GRHL2: variants seen among roughly 807,000 people sequenced by gnomAD.
The protein encoded by GRHL2 is grainyhead-like protein 2 homolog.
In GRHL2, 21 loss-of-function variants were observed where a neutral mutation model predicts 83.8. The ratio of observed to expected loss-of-function variants is 0.25; its 90% CI spans 0.18 to 0.36. GRHL2 has a LOEUF of 0.36. Among genes scored for constraint, GRHL2 ranks in the 10% least tolerant of loss-of-function variants. The pLI, the probability that GRHL2 is intolerant of heterozygous loss-of-function variation, is 1.00. For synonymous variants in GRHL2, 280 were observed against 278.9 expected (o/e 1.00, Z -0.04); for missense variants, 623 against 781.8 (o/e 0.80, Z 2.42).
intron 8 of GRHL2, among the ~76,000 whole-genome samples, chr8:101,616,227 A>G (rs1005387592): frequency 7.4e-5 from 11 of 148,964 alleles, no homozygotes; most frequent in South Asian, 4.2e-4. Flanking sequence ...CTGGAGTGCA[A>G]TGGCATGATC....
At chr8:101,587,877 A>C (rs966948887) in intron 7 of GRHL2, among the ~76,000 whole-genome samples, 1 of 152,244 alleles carries the variant, frequency 6.6e-6, no homozygotes, top group African/African-American at 2.4e-5. Flanking sequence ...CAATAGAAAC[A>C]AATATATGTC....
chr8:101,670,272 C>A (rs930687323), downstream of GRHL2, among the ~76,000 whole-genome samples: 6 of 152,238 alleles, frequency 3.9e-5, no homozygotes, highest in African/African-American at 1.4e-4. Context: ...GAGCCACCCA[C>A]ACTCCTTTAA....
intron 7 of GRHL2, among the ~76,000 whole-genome samples, chr8:101,586,233 T>G (rs1812168051): frequency 6.6e-6 from 1 of 152,076 alleles, no homozygotes; most frequent in Non-Finnish European, 1.5e-5. Context: ...GCACCTCATG[T>G]TTCTTAAAAG....
rs145217297 is a variant in GRHL2 at position 101,529,074 on chromosome 8, T to G, written c.21-14167T>G. The G allele has an allele frequency of 1.2e-3, 473 of 382,122 alleles. 1 individual carries two copies. Among genetic ancestry groups the G allele is most frequent in the African/African-American group, 8.0e-3 (373 of 46,352 alleles). 23.7% of individuals were successfully genotyped at this position (382,122 alleles called of 1,614,324 possible). A position where few individuals can be genotyped will look rare whatever the true frequency, so the allele number is the denominator to read the frequency against. Reference sequence around the variant, plus strand: ...CGTCAACAGTTTTTTCAGGGAGTTCTTCCTCTTTGACAGGGATTTCTATGG... The same window carrying G: ...CGTCAACAGTTTTTTCAGGGAGTTCGTCCTCTTTGACAGGGATTTCTATGG... On this transcript the variant is annotated intron_variant, in intron 1 of 15. Transcript: ENST00000646743.
At chr8:101,534,685 T>C (rs1460406027) in intron 1 of GRHL2, among the ~76,000 whole-genome samples, 1 of 150,748 alleles carries the variant, frequency 6.6e-6, no homozygotes. Flanking sequence ...GTGCTAGCAG[T>C]GGAGGTAGTG....
Position 101,492,547 on chromosome 8 carries a change from C to G in GRHL2, c.-223C>G. On this transcript the variant is annotated 5_prime_UTR_variant, in exon 1 of 16. Transcript: ENST00000646743. ...GCCCGGCCGCCTCCGAGCTCGGGCC[C>G]CATGTGAGGGGCCCCCCCTTATCCC... is the stretch of plus-strand genomic sequence containing the variant. 1 of 634,982 alleles carries G rather than the reference C, an allele frequency of 1.6e-6. No homozygotes were observed. The allele number at this position is 634,982 out of a possible 1,614,324, so 39.3% of individuals were successfully genotyped here.
chr8:101,621,617 C>G (rs2130373844), intron 9 of GRHL2, among the ~76,000 whole-genome samples: 1 of 152,196 alleles, frequency 6.6e-6, no homozygotes, highest in Non-Finnish European at 1.5e-5. Flanking sequence ...GTAATATAGG[C>G]CAGGTGCGTG....
At chr8:101,546,697 A>C (rs1811272926) in intron 2 of GRHL2, among the ~76,000 whole-genome samples, 1 of 152,170 alleles carries the variant, frequency 6.6e-6, no homozygotes, top group African/African-American at 2.4e-5. Context: ...ATTAGGCGTG[A>C]GTCACCAAGT....
At chr8:101,674,032 A>T (rs1460530775), downstream of GRHL2, among the ~76,000 whole-genome samples, 3 of 152,188 alleles carry the variant, frequency 2.0e-5, no homozygotes, top group South Asian at 6.2e-4. Context: ...ACAACATACC[A>T]GAATCTCTGG....
At position 101,601,190 on chromosome 8, in the gene GRHL2, CCCA is replaced by C. The variant is rs897488255; in HGVS notation, c.1098+2064_1098+2066del. Among the ~76,000 whole-genome samples, 1,103 of 148,520 alleles carry C rather than the reference CCCA, an allele frequency of 7.4e-3. 12 individuals carry two copies. The highest frequency in any genetic ancestry group is 0.057 in the East Asian group (280 of 4,926). The stretch of plus-strand genomic sequence containing the variant: ...CACACACACACACACACACACACAC[CCCA>C]CCACCACCACCACCACCACCACCAA... On this transcript the variant is annotated intron_variant, in intron 8 of 15. Coordinates refer to ENST00000646743, the MANE Select transcript of GRHL2 (RefSeq NM_024915.4).
chr8:101,623,336 T>TTAGGACAGTTCAGAGTACACAG (rs1563612861), intron 9 of GRHL2, among the ~76,000 whole-genome samples: 2 of 152,146 alleles, frequency 1.3e-5, no homozygotes, highest in East Asian at 3.9e-4. Flanking sequence ...GTAGAACAGT[T>TTAGGACAGTTCAGAGTACACAG]TAGGACAGTT....
the GRHL2 span, among the ~76,000 whole-genome samples, chr8:101,674,786 G>A: frequency 6.6e-6 from 1 of 152,106 alleles, no homozygotes; most frequent in Non-Finnish European, 1.5e-5. Context: ...TATCCTTGAT[G>A]AACATTGATG....
intron 1 of GRHL2, among the ~76,000 whole-genome samples, chr8:101,502,675 A>G (rs1034365613): frequency 6.6e-6 from 1 of 152,028 alleles, no homozygotes; most frequent in African/African-American, 2.4e-5. Flanking sequence ...AATGAATGGA[A>G]CATTGACTAA....
intron 1 of GRHL2, among the ~76,000 whole-genome samples, chr8:101,511,100 CAA>C (rs35077640): frequency 3.4e-5 from 5 of 145,966 alleles, no homozygotes; most frequent in Admixed American, 6.8e-5. Flanking sequence ...GACTCCGTCT[CAA>C]AAAAAAAAAA....
chr8:101,595,017 A>G (rs776055582), intron 7 of GRHL2, among the ~76,000 whole-genome samples: 6 of 152,236 alleles, frequency 3.9e-5, no homozygotes, highest in Non-Finnish European at 5.9e-5. Context: ...AAAGCAGATT[A>G]AGGATAATCG....
intron 1 of GRHL2, among the ~76,000 whole-genome samples, chr8:101,515,000 C>T (rs1810540881): frequency 7.0e-6 from 1 of 143,762 alleles, no homozygotes; most frequent in African/African-American, 2.8e-5. Flanking sequence ...TTCCTGCTTC[C>T]TCCCTTCCTT....
intron 11 of GRHL2, 36 bp downstream of exon 11, chr8:101,632,401 T>C: frequency 6.2e-7 from 1 of 1,613,202 alleles, no homozygotes; most frequent in Non-Finnish European, 8.5e-7. Flanking sequence ...CTCCCATCCA[T>C]CCACAGGGCA....
chr8:101,678,626 G>A, the GRHL2 span, among the ~76,000 whole-genome samples: 5 of 150,936 alleles, frequency 3.3e-5, no homozygotes, highest in African/African-American at 1.2e-4. Flanking sequence ...ACCTCTGGGG[G>A]CAGGGCACAG....
intron 1 of GRHL2, among the ~76,000 whole-genome samples, chr8:101,540,807 CATTTT>C (rs563144994): frequency 7.3e-4 from 111 of 151,934 alleles, no homozygotes; most frequent in South Asian, 2.3e-3. Context: ...TTTTATTTTC[CATTTT>C]ATTTTATTTT....
Sources: allele counts gnomAD v4.1 joint callset (sites outside exome capture counted in the v4.1 genomes callset), GRCh38; gene constraint gnomAD v4.1.1; transcripts MANE v1.5; gene names NCBI Gene and HGNC (gene_info 2026-07-23, HGNC 2026-07-21).